GRM3: variants seen among roughly 807,000 people sequenced by gnomAD.
GRM3 encodes the protein glutamate metabotropic receptor 3.
A neutral mutation model predicts 70.5 loss-of-function variants in GRM3; 26 were observed. That is an observed-to-expected ratio of 0.37 (90% CI 0.27 to 0.51). The LOEUF (loss-of-function observed/expected upper bound fraction) is 0.51, where lower values mean the gene tolerates loss of function less well. Among genes scored for constraint, GRM3 ranks in the 20% least tolerant of loss-of-function variants. GRM3 has a pLI of 0.93. For synonymous variants in GRM3, 443 were observed against 434.9 expected, an observed-to-expected ratio of 1.02 and a Z score of -0.23; for missense variants, 859 against 1,123.8, an observed-to-expected ratio of 0.76 and a Z score of 3.37.
chr7:86,757,916 T>A (rs1796387109), intron 1 of GRM3, among the ~76,000 whole-genome samples: 1 of 152,152 alleles, frequency 6.6e-6, no homozygotes, highest in African/African-American at 2.4e-5. Context: ...ATAGGAATGG[T>A]CACCAGGAAT....
chr7:86,744,373 A>G (rs547730810), intron 1 of GRM3, among the ~76,000 whole-genome samples: 12 of 151,782 alleles, frequency 7.9e-5, no homozygotes, highest in African/African-American at 2.4e-4. Flanking sequence ...TCATATTACT[A>G]TCTTTCCCAA....
At chr7:86,680,236 A>G (rs77707184) in intron 1 of GRM3, among the ~76,000 whole-genome samples, 1 of 152,154 alleles carries the variant, frequency 6.6e-6, no homozygotes, top group Non-Finnish European at 1.5e-5. Flanking sequence ...TTGAAAGAAA[A>G]TATTTAAGAG....
At chr7:86,800,438 TA>T (rs1241401374) in intron 3 of GRM3, among the ~76,000 whole-genome samples, 1 of 151,868 alleles carries the variant, frequency 6.6e-6, no homozygotes, top group African/African-American at 2.4e-5. Context: ...ATAGACACAA[TA>T]AAAAATGATA....
intron 1 of GRM3, among the ~76,000 whole-genome samples, chr7:86,652,227 C>CT (rs67322340): frequency 3.3e-5 from 5 of 151,810 alleles, no homozygotes; most frequent in Non-Finnish European, 5.9e-5. Flanking sequence ...TCACCCTCTA[C>CT]TTTTTTTTTC....
chr7:86,701,128 C>T (rs943268910), intron 1 of GRM3, among the ~76,000 whole-genome samples: 48 of 151,554 alleles, frequency 3.2e-4, no homozygotes, highest in African/African-American at 1.2e-3. Context: ...TAACAATAAC[C>T]TTTAGCCTAA....
chr7:86,662,628 C>G (rs545183802), intron 1 of GRM3, among the ~76,000 whole-genome samples: 17 of 151,884 alleles, frequency 1.1e-4, no homozygotes, highest in African/African-American at 4.1e-4. Context: ...CTTATAATGT[C>G]AGTCATCGGC....
chr7:86,727,152 A>G (rs550503445), intron 1 of GRM3, among the ~76,000 whole-genome samples: 14 of 152,318 alleles, frequency 9.2e-5, no homozygotes, highest in African/African-American at 3.1e-4. Flanking sequence ...GATATAGTGC[A>G]AAAAGAGACA....
At chr7:86,791,761 C>A (rs959214412) in intron 3 of GRM3, among the ~76,000 whole-genome samples, 4 of 152,174 alleles carry the variant, frequency 2.6e-5, no homozygotes, top group Admixed American at 1.3e-4. Context: ...TTTTTTATTT[C>A]TTTTTAAGAT....
At chr7:86,699,193 G>A (rs775022401) in intron 1 of GRM3, among the ~76,000 whole-genome samples, 14 of 152,016 alleles carry the variant, frequency 9.2e-5, no homozygotes, top group African/African-American at 2.4e-4. Context: ...CACTGAAATC[G>A]GATCAACTAC....
chr7:86,667,802 A>G (rs1447787646), intron 1 of GRM3, among the ~76,000 whole-genome samples: 2 of 152,140 alleles, frequency 1.3e-5, no homozygotes, highest in Non-Finnish European at 2.9e-5. Flanking sequence ...CTGGTGCACA[A>G]AGGCACAAAA....
chr7:86,851,751 T>TC (rs755461677), intron 5 of GRM3, among the ~76,000 whole-genome samples: 13 of 152,070 alleles, frequency 8.5e-5, no homozygotes, highest in Non-Finnish European at 1.5e-5. Context: ...CCAGCTAAAC[T>TC]CCAACGTGTC....
intron 1 of GRM3, among the ~76,000 whole-genome samples, chr7:86,696,106 C>T (rs1794810667): frequency 6.6e-6 from 1 of 152,172 alleles, no homozygotes; most frequent in African/African-American, 2.4e-5. Flanking sequence ...CTAAACATGC[C>T]TGTTTCCTTT....
At chr7:86,858,497 T>C (rs1562884414) in intron 5 of GRM3, among the ~76,000 whole-genome samples, 4 of 152,084 alleles carry the variant, frequency 2.6e-5, no homozygotes, top group Admixed American at 2.6e-4. Context: ...CTGAACTAGA[T>C]GCTCACTCTA....
chr7:86,739,606 A>C (rs967837247), intron 1 of GRM3, among the ~76,000 whole-genome samples: 6 of 152,186 alleles, frequency 3.9e-5, no homozygotes, highest in Admixed American at 2.0e-4. Context: ...CTTTCTGGAA[A>C]GGCAAATTTA....
chr7:86,677,267 C>T (rs996484275), intron 1 of GRM3, among the ~76,000 whole-genome samples: 6 of 151,980 alleles, frequency 3.9e-5, no homozygotes, highest in Admixed American at 1.3e-4. Context: ...CACCTTGACA[C>T]CTTTTTAAAA....
chr7:86,784,210 CT>C (rs1322238201), intron 2 of GRM3: 1 of 148,236 alleles, frequency 6.7e-6, no homozygotes, highest in Non-Finnish European at 1.5e-5. Flanking sequence ...AAAACAAGAA[CT>C]TTTTTGTTTT....
chr7:86,656,260 C>CTTTTTT lies in GRM3; in HGVS notation c.-141+11406_-141+11411dup, dbSNP rs1165969016. On this transcript the variant is annotated intron_variant, in intron 1 of 5. Coordinates refer to ENST00000361669, the MANE Select transcript of GRM3 (RefSeq NM_000840.3). ...CCATTTTGTGACACTATACTATGTT[C>CTTTTTT]TTTTTTTTTTTTTTTTTTTTTTTGA... Among the ~76,000 whole-genome samples the CTTTTTT allele has an allele frequency of 3.7e-4, 31 of 83,262 alleles. 1 individual carries two copies. The highest frequency in any genetic ancestry group is 8.3e-4 in the African/African-American group (17 of 20,486). The allele number at this position is 83,262 out of a possible 152,430, so 54.6% of individuals were successfully genotyped here.
chr7:86,782,922 C>A (rs1480658185), intron 2 of GRM3, among the ~76,000 whole-genome samples: 2 of 152,174 alleles, frequency 1.3e-5, no homozygotes, highest in African/African-American at 4.8e-5. Context: ...TCCACTCTAT[C>A]TAATAATAAC....
At chr7:86,756,332 G>A (rs1408193440) in intron 1 of GRM3, among the ~76,000 whole-genome samples, 6 of 152,100 alleles carry the variant, frequency 3.9e-5, no homozygotes, top group African/African-American at 1.4e-4. Flanking sequence ...ACCCACCTTG[G>A]CCTCCCAAAG....
Sources: allele counts gnomAD v4.1 joint callset (sites outside exome capture counted in the v4.1 genomes callset), GRCh38; gene constraint gnomAD v4.1.1; transcripts MANE v1.5; gene names NCBI Gene and HGNC (gene_info 2026-07-23, HGNC 2026-07-21).